The following VWC2 variants were observed in gnomAD, a reference collection of about 807,000 sequenced individuals.
VWC2 encodes brorin.
VWC2 carries 14 observed loss-of-function variants against 29.8 expected under a neutral mutation model. The observed-to-expected ratio is 0.47, with a 90% CI of 0.31 to 0.74. The LOEUF (loss-of-function observed/expected upper bound fraction) is 0.74. Ranked by LOEUF, VWC2 falls within the 30% of genes least tolerant of loss-of-function variation. VWC2 has a pLI of 0.05. For missense variants in VWC2, 457 were observed against 459.8 expected, an observed-to-expected ratio of 0.99 and a Z score of 0.05; for synonymous variants, 213 against 199.0, an observed-to-expected ratio of 1.07 and a Z score of -0.59.
At chr7:49,838,428 G>A (rs1369792463) in intron 3 of VWC2, among the ~76,000 whole-genome samples, 2 of 152,026 alleles carry the variant, frequency 1.3e-5, no homozygotes, top group Admixed American at 6.6e-5. Context: ...GACAGAGTGG[G>A]GTCAGGAGAC....
chr7:49,893,450 T>C (rs935214290), intron 3 of VWC2, among the ~76,000 whole-genome samples: 10 of 152,350 alleles, frequency 6.6e-5, no homozygotes, highest in Middle Eastern at 3.4e-3. Flanking sequence ...ATTTGATTTT[T>C]TTCGTGCTTG....
chr7:49,822,516 C>T (rs1051304977), intron 3 of VWC2, among the ~76,000 whole-genome samples: 7 of 152,186 alleles, frequency 4.6e-5, no homozygotes, highest in Non-Finnish European at 1.0e-4. Flanking sequence ...TCACTGCAAC[C>T]TCTGCCTCCA....
At chr7:49,807,746 A>G (rs1475874115) in intron 3 of VWC2, among the ~76,000 whole-genome samples, 1 of 152,202 alleles carries the variant, frequency 6.6e-6, no homozygotes, top group African/African-American at 2.4e-5. Flanking sequence ...AAAGCACTAA[A>G]CATAAGGAAA....
chr7:49,889,798 G>T (rs1167275092), intron 3 of VWC2, among the ~76,000 whole-genome samples: 7 of 152,238 alleles, frequency 4.6e-5, no homozygotes, highest in African/African-American at 1.2e-4. Context: ...AATTCAAATA[G>T]TCCAAGTTGG....
At chr7:49,774,617 C>T (rs2128700053) in intron 1 of VWC2, among the ~76,000 whole-genome samples, 1 of 152,308 alleles carries the variant, frequency 6.6e-6, no homozygotes, top group African/African-American at 2.4e-5. Flanking sequence ...CTGAGCGCTG[C>T]GGCCGGCGAC....
intron 3 of VWC2, among the ~76,000 whole-genome samples, chr7:49,879,818 T>C (rs1791594624): frequency 1.3e-5 from 2 of 152,176 alleles, no homozygotes; most frequent in South Asian, 4.1e-4. Flanking sequence ...CAATTGTCAG[T>C]GGATATTTTT....
At chr7:49,865,645 C>T (rs2128721679) in intron 3 of VWC2, among the ~76,000 whole-genome samples, 1 of 152,322 alleles carries the variant, frequency 6.6e-6, no homozygotes. Flanking sequence ...TTGTATATCA[C>T]TTGCTGTAGT....
chr7:49,844,406 C>T (rs1583665820), intron 3 of VWC2, among the ~76,000 whole-genome samples: 1 of 152,204 alleles, frequency 6.6e-6, no homozygotes, highest in African/African-American at 2.4e-5. Context: ...CGGCTTTGCC[C>T]TGGCAGAGTT....
intron 3 of VWC2, among the ~76,000 whole-genome samples, chr7:49,805,462 A>G (rs1788856182): frequency 6.6e-6 from 1 of 152,226 alleles, no homozygotes; most frequent in African/African-American, 2.4e-5. Context: ...TCATGCACAT[A>G]CAATTACATT....
intron 3 of VWC2, among the ~76,000 whole-genome samples, chr7:49,909,214 G>A (rs1322067486): frequency 4.6e-5 from 7 of 152,152 alleles, no homozygotes; most frequent in Admixed American, 4.6e-4. Flanking sequence ...AAGGATACAG[G>A]TCTTCTGGGC....
At chr7:49,835,735 T>C (rs1297408027) in intron 3 of VWC2, among the ~76,000 whole-genome samples, 1 of 152,222 alleles carries the variant, frequency 6.6e-6, no homozygotes, top group Non-Finnish European at 1.5e-5. Flanking sequence ...TTGGCAGCAT[T>C]GTGTTAAAGC....
Position 49,920,532 on chromosome 7 carries a change from A to G in VWC2, c.*8347A>G, listed in dbSNP as rs1034033410. ...AGAAATTCCTTTTAAGTCAGACTTA[A>G]GTCCACGGAAAGCTGGACCTAAGCA... On this transcript the variant is annotated 3_prime_UTR_variant, in exon 4 of 4. Transcript: ENST00000340652. 6.6e-6 allele frequency: 1 copy of G among 152,240 alleles called. No individual in the cohort carries two copies. The allele number at this position is 152,240 out of a possible 1,614,324, so 9.4% of individuals were successfully genotyped here. A position where few individuals can be genotyped will look rare whatever the true frequency, so the allele number is the denominator to read the frequency against.
intron 3 of VWC2, among the ~76,000 whole-genome samples, chr7:49,808,210 C>T (rs947898016): frequency 2.0e-5 from 3 of 152,012 alleles, no homozygotes; most frequent in African/African-American, 4.8e-5. Flanking sequence ...ATTCCTAGAA[C>T]AATCACTAAG....
chr7:49,809,653 A>G (rs1788955199), intron 3 of VWC2, among the ~76,000 whole-genome samples: 1 of 152,046 alleles, frequency 6.6e-6, no homozygotes, highest in African/African-American at 2.4e-5. Flanking sequence ...TGAATACAGC[A>G]CCATATAAAG....
chr7:49,804,812 T>C (rs1788835726), intron 3 of VWC2, among the ~76,000 whole-genome samples: 1 of 152,216 alleles, frequency 6.6e-6, no homozygotes, highest in Non-Finnish European at 1.5e-5. Flanking sequence ...CATCTCTCTA[T>C]ATACATAACC....
chr7:49,851,625 C>G (rs568692909), intron 3 of VWC2, among the ~76,000 whole-genome samples: 3 of 152,256 alleles, frequency 2.0e-5, no homozygotes, highest in Admixed American at 1.3e-4. Flanking sequence ...TTCGGGAGGC[C>G]GAGGCGGGTG....
chr7:49,911,956 C>A, intron 3 of VWC2, 78 bp from the exon 4 acceptor site: 6 of 1,162,316 alleles, frequency 5.2e-6, no homozygotes, highest in Non-Finnish European at 7.0e-6. Context: ...CATATATATA[C>A]TGTAATGCTT....
rs866082824 is a variant in VWC2 at position 49,775,563 on chromosome 7, C to A, written c.128C>A (p.Pro43Gln). The A allele has an allele frequency of 1.3e-6, 2 of 1,547,196 alleles. No homozygotes were observed. The highest frequency in any genetic ancestry group is 1.7e-6 in the Non-Finnish European group (2 of 1,149,400). The change falls in exon 2 of 4, where the codon CCG becomes CAG. Residue 43 changes from proline to glutamine, a missense_variant. Around this residue, in one of 2 missense-constraint regions of VWC2, gnomAD observed 272 missense variants for 202.7 expected, o/e 1.34. Transcript: ENST00000340652. ...AAGCTGGCCCAGGCACCAGAGCAGC[C>A]GGGCCAGGAGAAGCGTGAGCACGCC... The part of the protein sequence containing the change: ...LEKLAQAPEQ[P>Q]GQEKREHASR...
chr7:49,899,691 G>T (rs1030438759), intron 3 of VWC2, among the ~76,000 whole-genome samples: 4 of 152,020 alleles, frequency 2.6e-5, no homozygotes, highest in Non-Finnish European at 2.9e-5. Flanking sequence ...TGATAGAACT[G>T]CAAGAAGAAA....
Sources: gnomAD v4.1 joint callset for allele counts (sites outside exome capture counted in the v4.1 genomes callset) on GRCh38, gnomAD v4.1.1 for gene constraint, gnomAD v4.1.1 regional missense constraint, MANE v1.5 for transcripts, NCBI Gene and HGNC (gene_info 2026-07-23, HGNC 2026-07-21) for gene names.